Variants in ZFAND3 observed in about 807,000 individuals in gnomAD.
The protein encoded by ZFAND3 is AN1-type zinc finger protein 3.
In ZFAND3, 10 loss-of-function variants were observed where a neutral mutation model predicts 29.6. The observed-to-expected ratio is 0.34, with a 90% CI of 0.21 to 0.57. The LOEUF is 0.57. Ranked by LOEUF, ZFAND3 falls within the 20% of genes least tolerant of loss-of-function variation. The pLI is 0.86. For missense variants in ZFAND3, 230 were observed against 304.5 expected (o/e 0.76, Z 1.82); for synonymous variants, 128 against 112.6 (o/e 1.14, Z -0.87).
At chr6:37,982,539 G>A (rs1033719871) in intron 2 of ZFAND3, among the ~76,000 whole-genome samples, 2 of 152,092 alleles carry the variant, frequency 1.3e-5, no homozygotes, top group African/African-American at 4.8e-5. Context: ...CTATTGCCTA[G>A]TGACGTGGTA....
chr6:38,094,363 CTCTT>C (rs1331903931), intron 4 of ZFAND3, among the ~76,000 whole-genome samples: 4 of 151,960 alleles, frequency 2.6e-5, no homozygotes, highest in African/African-American at 4.8e-5. Context: ...AAGTGGTGCT[CTCTT>C]TGTTTTTTAA....
At chr6:37,824,301 C>G (rs2127364364) in intron 1 of ZFAND3, among the ~76,000 whole-genome samples, 1 of 152,236 alleles carries the variant, frequency 6.6e-6, no homozygotes, top group East Asian at 1.9e-4. Context: ...TTAAACTATA[C>G]AGATATAAGT....
At chr6:38,041,631 T>C (rs201267787) in intron 2 of ZFAND3, among the ~76,000 whole-genome samples, 5,360 of 56,086 alleles carry the variant, frequency 0.096, 542 homozygotes, top group African/African-American at 0.15. Context: ...TTATCTACTT[T>C]TTCTTCTTCT....
chr6:37,885,992 C>G (rs1484438035), intron 1 of ZFAND3, among the ~76,000 whole-genome samples: 1 of 152,082 alleles, frequency 6.6e-6, no homozygotes, highest in Non-Finnish European at 1.5e-5. Context: ...AATCCCAGCA[C>G]TTTGGGAAGC....
intron 2 of ZFAND3, among the ~76,000 whole-genome samples, chr6:38,004,096 T>C (rs961787538): frequency 8.5e-5 from 13 of 152,126 alleles, no homozygotes; most frequent in Non-Finnish European, 1.3e-4. Context: ...CAGTGGTCCC[T>C]TGGAGGATTT....
intron 1 of ZFAND3, among the ~76,000 whole-genome samples, chr6:37,874,226 C>T (rs917735335): frequency 6.6e-6 from 1 of 152,086 alleles, no homozygotes; most frequent in African/African-American, 2.4e-5. Context: ...GTACTAATTT[C>T]CCTTTTTGGC....
In ZFAND3 at chr6:38,144,209, ATAATATATAATATATATATATATT is replaced by A. The variant is rs1438771659; in HGVS notation, c.530-8024_530-8001del. ...AATATATATATATATATATATATATATAATATATAATATATATATATATTTTTTTTTTAATAAGGTTGCTTGATC... is the reference window on the plus strand; with the variant it reads ...AATATATATATATATATATATATATATTTTTTTTAATAAGGTTGCTTGATC... On this transcript the variant is annotated intron_variant, in intron 5 of 5. Coordinates refer to ENST00000287218, the MANE Select transcript of ZFAND3 (RefSeq NM_021943.3). 2.3e-4 allele frequency among the ~76,000 whole-genome samples: 10 copies of A among 42,734 alleles called. 1 individual carries two copies. Among genetic ancestry groups the A allele is most frequent in the African/African-American group, 7.1e-4 (5 of 7,032 alleles). 28.0% of individuals were successfully genotyped at this position (42,734 alleles called of 152,430 possible). A position where few individuals can be genotyped will look rare whatever the true frequency, so the allele number is the denominator to read the frequency against.
At chr6:38,149,556 A>G (rs1016943654) in intron 5 of ZFAND3, among the ~76,000 whole-genome samples, 3 of 152,078 alleles carry the variant, frequency 2.0e-5, no homozygotes, top group Admixed American at 2.0e-4. Flanking sequence ...AGTATCAGGT[A>G]GCTACTCCTT....
At chr6:37,971,000 T>A (rs1028992016) in intron 2 of ZFAND3, among the ~76,000 whole-genome samples, 1 of 152,264 alleles carries the variant, frequency 6.6e-6, no homozygotes, top group Non-Finnish European at 1.5e-5. Context: ...AGTCTTTCTG[T>A]GATGATCCTT....
intron 1 of ZFAND3, among the ~76,000 whole-genome samples, chr6:37,879,061 C>T (rs1157309691): frequency 6.6e-6 from 1 of 152,188 alleles, no homozygotes; most frequent in Non-Finnish European, 1.5e-5. Context: ...CCCTTATCCC[C>T]AACCCGTATG....
chr6:37,972,697 A>ATT (rs56885104), intron 2 of ZFAND3, among the ~76,000 whole-genome samples: 62 of 143,318 alleles, frequency 4.3e-4, no homozygotes, highest in Admixed American at 6.9e-4. Context: ...AGGCCTATTA[A>ATT]TTTTTTTTTT....
At chr6:38,046,275 T>C (rs2127458175) in intron 2 of ZFAND3, among the ~76,000 whole-genome samples, 1 of 152,372 alleles carries the variant, frequency 6.6e-6, no homozygotes, top group South Asian at 2.1e-4. Flanking sequence ...AGTTGTCGTC[T>C]ACATAGAACT....
At chr6:37,823,807 G>GT (rs1335961459) in intron 1 of ZFAND3, among the ~76,000 whole-genome samples, 1 of 151,546 alleles carries the variant, frequency 6.6e-6, no homozygotes, top group African/African-American at 2.4e-5. Context: ...TTTTTGGGGG[G>GT]GGGTAGGAAG....
Position 38,154,503 on chromosome 6 carries a change from T to G in ZFAND3, c.*2114T>G, listed in dbSNP as rs1371760923. 1 of 981,956 alleles carries G rather than the reference T, an allele frequency of 1.0e-6. No homozygotes were observed. The highest frequency in any genetic ancestry group is 1.2e-6 in the Non-Finnish European group (1 of 826,470). The allele number at this position is 981,956 out of a possible 1,614,324, so 60.8% of individuals were successfully genotyped here. On this transcript the variant is annotated 3_prime_UTR_variant, in exon 6 of 6. Transcript: ENST00000287218. ...TATTTAACCCTTTTGTGTTCTAGATTTACTTACACACATAGCCTAGAGCTC... is the reference window on the plus strand; with the variant it reads ...TATTTAACCCTTTTGTGTTCTAGATGTACTTACACACATAGCCTAGAGCTC...
intron 2 of ZFAND3, among the ~76,000 whole-genome samples, chr6:38,055,564 C>T (rs1764118392): frequency 6.6e-6 from 1 of 152,192 alleles, no homozygotes; most frequent in Admixed American, 6.5e-5. Context: ...GCTTGACTCA[C>T]AGGAGGCGCT....
intron 2 of ZFAND3, among the ~76,000 whole-genome samples, chr6:38,045,941 A>G (rs539428463): frequency 2.6e-5 from 4 of 152,342 alleles, no homozygotes; most frequent in Non-Finnish European, 5.9e-5. Context: ...TATGAACTCT[A>G]AAGTGGTTAG....
At chr6:37,960,845 C>T (rs1581793619) in intron 2 of ZFAND3, among the ~76,000 whole-genome samples, 2 of 151,912 alleles carry the variant, frequency 1.3e-5, no homozygotes, top group South Asian at 4.2e-4. Flanking sequence ...TTTGGGAAGC[C>T]GAGGCAAGAG....
At chr6:37,961,333 A>C (rs1762192194) in intron 2 of ZFAND3, among the ~76,000 whole-genome samples, 1 of 152,212 alleles carries the variant, frequency 6.6e-6, no homozygotes, top group Non-Finnish European at 1.5e-5. Context: ...GCTCAGCCAC[A>C]ATGCAATAGA....
intron 2 of ZFAND3, among the ~76,000 whole-genome samples, chr6:37,978,557 C>T (rs901055116): frequency 6.6e-6 from 1 of 152,088 alleles, no homozygotes; most frequent in Non-Finnish European, 1.5e-5. Context: ...AAGCCATCTA[C>T]ACAGGGAGTT....
Sources: allele counts gnomAD v4.1 joint callset (sites outside exome capture counted in the v4.1 genomes callset), GRCh38; gene constraint gnomAD v4.1.1; transcripts MANE v1.5; gene names NCBI Gene and HGNC (gene_info 2026-07-23, HGNC 2026-07-21).